SCYL2: variants seen among roughly 807,000 people sequenced by gnomAD.
SCYL2 encodes the protein SCY1-like protein 2.
SCYL2 carries 36 observed loss-of-function variants against 100.4 expected under a neutral mutation model. The observed-to-expected ratio is 0.36, with a 90% CI of 0.27 to 0.47. The LOEUF (loss-of-function observed/expected upper bound fraction) is 0.47. SCYL2 is among the 20% of genes least tolerant of loss of function. The probability of loss-of-function intolerance (pLI) is 1.00; values close to 1 mark genes in which losing one functional copy is unlikely to be tolerated. For missense variants in SCYL2, 902 were observed against 1,083.9 expected, an observed-to-expected ratio of 0.83 and a Z score of 2.36; for synonymous variants, 330 against 359.2, an observed-to-expected ratio of 0.92 and a Z score of 0.92.
At chr12:100,292,580 AC>A (rs2096311889) in intron 3 of SCYL2, among the ~76,000 whole-genome samples, 1 of 151,886 alleles carries the variant, frequency 6.6e-6, no homozygotes, top group Non-Finnish European at 1.5e-5. Flanking sequence ...CTTCAAAGGC[AC>A]AAGATCTTTT....
At chr12:100,320,920 T>C (rs2096355091) in intron 10 of SCYL2, among the ~76,000 whole-genome samples, 1 of 152,174 alleles carries the variant, frequency 6.6e-6, no homozygotes, top group East Asian at 1.9e-4. Flanking sequence ...TTAATTTATA[T>C]ATTTTTGAGA....
At chr12:100,300,003 C>T (rs948980718) in intron 4 of SCYL2, among the ~76,000 whole-genome samples, 1 of 152,054 alleles carries the variant, frequency 6.6e-6, no homozygotes, top group African/African-American at 2.4e-5. Context: ...TCATTTTTTT[C>T]ACATCTTTGC....
intron 4 of SCYL2, among the ~76,000 whole-genome samples, chr12:100,300,236 A>G (rs187907031): frequency 7.2e-5 from 11 of 152,332 alleles, no homozygotes; most frequent in Non-Finnish European, 1.5e-4. Flanking sequence ...GTGTGGACAC[A>G]GTACATAATT....
At chr12:100,300,040 G>C (rs2096325708) in intron 4 of SCYL2, among the ~76,000 whole-genome samples, 1 of 152,000 alleles carries the variant, frequency 6.6e-6, no homozygotes, top group Non-Finnish European at 1.5e-5. Context: ...TGGTCTCTTT[G>C]GTATCAGTCA....
At chr12:100,307,733 G>A (rs2096336403) in intron 4 of SCYL2, among the ~76,000 whole-genome samples, 1 of 152,142 alleles carries the variant, frequency 6.6e-6, no homozygotes, top group Non-Finnish European at 1.5e-5. Flanking sequence ...GGAAAATTTT[G>A]CAATCTATCC....
chr12:100,299,203 C>T (rs2096324553), intron 4 of SCYL2, among the ~76,000 whole-genome samples: 2 of 152,018 alleles, frequency 1.3e-5, no homozygotes, highest in Admixed American at 1.3e-4. Context: ...CTACTGCACT[C>T]CAGCCTGGGT....
chr12:100,294,724 G>A lies in SCYL2; in HGVS notation c.335+3064G>A, dbSNP rs1323892036. Reference sequence around the variant, plus strand: ...TGACCCCCCCACCTCCCTCCCGGACGGGGTGGCTGGCCGGGTGGGGGGCTG... The same window carrying A: ...TGACCCCCCCACCTCCCTCCCGGACAGGGTGGCTGGCCGGGTGGGGGGCTG... On this transcript the variant is annotated intron_variant, in intron 3 of 17. Transcript: ENST00000360820. Among the ~76,000 whole-genome samples the A allele has an allele frequency of 6.9e-5, 9 of 130,680 alleles. No individual in the cohort carries two copies. The East Asian group carries it at 9.1e-4, about 13-fold the overall frequency. 85.7% of individuals were successfully genotyped at this position (130,680 alleles called of 152,430 possible). A position where few individuals can be genotyped will look rare whatever the true frequency, so the allele number is the denominator to read the frequency against.
At position 100,267,260 on chromosome 12, in the gene SCYL2, C is replaced by A; in HGVS notation, c.-561C>A. The A allele has an allele frequency of 1.6e-6, 1 of 620,152 alleles. No homozygotes were observed. The highest frequency in any genetic ancestry group is 2.7e-6 in the Non-Finnish European group (1 of 365,336). The allele number at this position is 620,152 out of a possible 1,614,324, so 38.4% of individuals were successfully genotyped here. A position where few individuals can be genotyped will look rare whatever the true frequency, so the allele number is the denominator to read the frequency against. ...CTTCTAGCTCCGACGTTTGCGGCCG[C>A]GGGGGCGGCGGAGGATATGGAGTAA... On this transcript the variant is annotated 5_prime_UTR_variant, in exon 1 of 18. Coordinates refer to ENST00000360820, the MANE Select transcript of SCYL2 (RefSeq NM_017988.6).
chr12:100,330,821 AT>A (rs1354009363), intron 13 of SCYL2, among the ~76,000 whole-genome samples: 15 of 147,370 alleles, frequency 1.0e-4, no homozygotes, highest in Non-Finnish European at 3.0e-5. Flanking sequence ...CTAGGTTTTA[AT>A]TTTTTTTCTT....
intron 2 of SCYL2, among the ~76,000 whole-genome samples, chr12:100,283,655 G>T (rs11110328): frequency 6.6e-6 from 1 of 152,000 alleles, no homozygotes; most frequent in African/African-American, 2.4e-5. Flanking sequence ...GAAATATATG[G>T]GTTGTAAAAT....
At chr12:100,303,693 C>T (rs1032978372) in intron 4 of SCYL2, among the ~76,000 whole-genome samples, 15 of 152,168 alleles carry the variant, frequency 9.9e-5, no homozygotes, top group Admixed American at 3.3e-4. Flanking sequence ...AGATGTCTGT[C>T]GACCCCTGCT....
At chr12:100,312,858 C>T (rs1309701437) in intron 6 of SCYL2, among the ~76,000 whole-genome samples, 2 of 152,190 alleles carry the variant, frequency 1.3e-5, no homozygotes, top group Non-Finnish European at 2.9e-5. Flanking sequence ...TGGCTCACGC[C>T]TGTAATCCCA....
chr12:100,284,880 CTG>C (rs1378523000), intron 2 of SCYL2, among the ~76,000 whole-genome samples: 9 of 152,080 alleles, frequency 5.9e-5, no homozygotes, highest in African/African-American at 2.2e-4. Flanking sequence ...AGAATAAAAA[CTG>C]TGGTGTCGGC....
At chr12:100,326,843 A>T in intron 12 of SCYL2, 89 bp downstream of exon 12, 1 of 1,057,252 alleles carries the variant, frequency 9.5e-7, no homozygotes, top group African/African-American at 1.6e-5. Flanking sequence ...CCTTTCGTGT[A>T]TATAGCATTT....
intron 10 of SCYL2, among the ~76,000 whole-genome samples, chr12:100,322,911 C>T (rs2096357757): frequency 6.6e-6 from 1 of 150,836 alleles, no homozygotes; most frequent in Non-Finnish European, 1.5e-5. Context: ...ACCTGTAGTC[C>T]CAGCTACTCA....
chr12:100,329,126 T>C (rs1952175403), intron 12 of SCYL2, 75 bp from the exon 13 acceptor site: 1 of 740,222 alleles, frequency 1.4e-6, no homozygotes, highest in Middle Eastern at 3.5e-4. Flanking sequence ...GGATTTCGTA[T>C]ACATATATTA....
chr12:100,293,172 G>T (rs1391197394), intron 3 of SCYL2, among the ~76,000 whole-genome samples: 1 of 151,838 alleles, frequency 6.6e-6, no homozygotes. Context: ...GCCCAGGCTT[G>T]CCTTGGACTC....
intron 4 of SCYL2, among the ~76,000 whole-genome samples, chr12:100,300,333 ATC>A (rs2096326067): frequency 6.6e-6 from 1 of 152,202 alleles, no homozygotes; most frequent in Non-Finnish European, 1.5e-5. Flanking sequence ...GCAAAATACC[ATC>A]TTAACCATTT....
chr12:100,283,035 C>T lies in SCYL2; in HGVS notation c.65C>T (p.Ala22Val). Reference sequence around the variant, plus strand: ...AAAGTAACAGCTGATGTCACTAGTGCTGTAATGGGAAATCCTGTCACTAGA... The same window carrying T: ...AAAGTAACAGCTGATGTCACTAGTGTTGTAATGGGAAATCCTGTCACTAGA... ...VTKVTADVTS[A>V]VMGNPVTREF... The change falls in exon 2 of 18, where the codon GCT (alanine) becomes GTT (valine). Residue 22 changes from alanine to valine, a missense_variant. Physicochemically the swap from Ala to Val is moderately conservative, Grantham distance 64 (BLOSUM62 0). Transcript: ENST00000360820. 6.2e-7 allele frequency: 1 copy of T among 1,611,902 alleles called. No homozygotes were observed. The highest frequency in any genetic ancestry group is 8.5e-7 in the Non-Finnish European group (1 of 1,178,304).
Sources: allele counts gnomAD v4.1 joint callset (sites outside exome capture counted in the v4.1 genomes callset), GRCh38; gene constraint gnomAD v4.1.1; transcripts MANE v1.5; gene names NCBI Gene and HGNC (gene_info 2026-07-23, HGNC 2026-07-21).